ZNF518A: variants seen among roughly 807,000 people sequenced by gnomAD.
ZNF518A encodes zinc finger protein 518A.
In ZNF518A, 47 loss-of-function variants were observed where a neutral mutation model predicts 102.7. That is an observed-to-expected ratio of 0.46 (90% confidence interval 0.36 to 0.58). The LOEUF (loss-of-function observed/expected upper bound fraction) is 0.58, where lower values mean the gene tolerates loss of function less well. Ranked by LOEUF, ZNF518A falls within the 20% of genes least tolerant of loss-of-function variation. The pLI is 0.00. For missense variants in ZNF518A, 1,793 were observed against 1,699.8 expected (o/e 1.05, Z -0.96); for synonymous variants, 652 against 594.6 (o/e 1.10, Z -1.40).
chr10:96,181,298 C>T (rs2083238791), intron 1 of ZNF518A, among the ~76,000 whole-genome samples: 1 of 152,160 alleles, frequency 6.6e-6, no homozygotes, highest in East Asian at 1.9e-4. Flanking sequence ...TGTAGGTTGC[C>T]TGTTCACTCT....
At chr10:96,164,950 A>T (rs1554889800), downstream of ZNF518A, among the ~76,000 whole-genome samples, 1 of 152,208 alleles carries the variant, frequency 6.6e-6, no homozygotes, top group East Asian at 1.9e-4. Flanking sequence ...ATCATAAGCT[A>T]TTGCTAATGT....
chr10:96,191,464 G>A (rs1232886482), intron 1 of ZNF518A, among the ~76,000 whole-genome samples: 2 of 151,848 alleles, frequency 1.3e-5, no homozygotes, highest in African/African-American at 4.8e-5. Flanking sequence ...GGTTGAGAGT[G>A]CTCACAAAAA....
intron 3 of ZNF518A, among the ~76,000 whole-genome samples, chr10:96,137,420 C>G (rs587610627): frequency 3.9e-5 from 6 of 152,348 alleles, no homozygotes; most frequent in Admixed American, 2.0e-4. Context: ...ACTACTTCCT[C>G]TCTTCCCATT....
chr10:96,177,350 T>G (rs1168255097), intron 1 of ZNF518A, among the ~76,000 whole-genome samples: 1 of 152,188 alleles, frequency 6.6e-6, no homozygotes. Context: ...AAATCCAAGA[T>G]AATTCAGCAC....
chr10:96,130,482 C>T lies in ZNF518A; in HGVS notation c.-723C>T, dbSNP rs587621588. 3.9e-5 allele frequency among the ~76,000 whole-genome samples: 6 copies of T among 152,334 alleles called. No homozygotes were observed. Among genetic ancestry groups the T allele is most frequent in the African/African-American group, 1.4e-4 (6 of 41,586 alleles). On this transcript the variant is annotated 5_prime_UTR_variant, in exon 1 of 6. Transcript: ENST00000316045. ...AGACGGTGTGCCTCCGCGCTCCCCG[C>T]GGGGCAGCCGAACCCCGGAGGAAGG... is the stretch of plus-strand genomic sequence containing the variant.
At position 96,159,797 on chromosome 10, in the gene ZNF518A, A is replaced by G. The variant is rs782701685; in HGVS notation, c.3475A>G (p.Asn1159Asp). 11 of 1,613,694 alleles carry G rather than the reference A, an allele frequency of 6.8e-6. No individual in the cohort carries two copies. The Middle Eastern group carries it at 1.3e-3, about 194-fold the overall frequency. The change falls in exon 6 of 6, where the codon AAT becomes GAT. Residue 1159 changes from asparagine (N) to aspartate (D), a missense_variant. Physicochemically the swap from Asn to Asp is conservative, Grantham distance 23. Coordinates refer to ENST00000316045, the MANE Select transcript of ZNF518A (RefSeq NM_001330736.2). ...NPVLNVTAAN[N>D]LSVSNSASSL... ...TGTTTTAAATGTGACTGCTGCTAAT[A>G]ATCTGTCAGTAAGCAACTCTGCATC...
Position 96,159,159 on chromosome 10 carries a change from A to G in ZNF518A, c.2837A>G (p.Asn946Ser). The G allele has an allele frequency of 6.2e-7, 1 of 1,613,718 alleles. No homozygotes were observed. The highest frequency in any genetic ancestry group is 8.5e-7 in the Non-Finnish European group (1 of 1,179,758). The part of the protein sequence containing the change: ...KGFLIPLNIT[N>S]KPGLPVIPGN... ...TTCTTAATACCATTGAACATTACTA[A>G]CAAGCCTGGGCTACCAGTTATTCCT... The change falls in exon 6 of 6, where the codon AAC becomes AGC. Residue 946 changes from asparagine (N) to serine (S), a missense_variant. Coordinates refer to ENST00000316045, the MANE Select transcript of ZNF518A (RefSeq NM_001330736.2).
chr10:96,162,963 T>G lies in ZNF518A; in HGVS notation c.*2189T>G, dbSNP rs1191803989. The stretch of plus-strand genomic sequence containing the variant: ...GCAAGGTGAGCCATAGAGAGGCTTA[T>G]AGTCTTCAGTACCCTAACAGCAATA... On this transcript the variant is annotated 3_prime_UTR_variant, in exon 6 of 6. Coordinates refer to ENST00000316045, the MANE Select transcript of ZNF518A (RefSeq NM_001330736.2). The G allele has an allele frequency of 6.0e-6, 1 of 167,002 alleles. No individual in the cohort carries two copies. Among genetic ancestry groups the G allele is most frequent in the Non-Finnish European group, 1.5e-5 (1 of 68,040 alleles). The allele number at this position is 167,002 out of a possible 1,614,324, so 10.3% of individuals were successfully genotyped here. A position where few individuals can be genotyped will look rare whatever the true frequency, so the allele number is the denominator to read the frequency against.
downstream of ZNF518A, among the ~76,000 whole-genome samples, chr10:96,166,169 T>G (rs1262874584): frequency 3.3e-5 from 5 of 152,186 alleles, no homozygotes; most frequent in African/African-American, 9.7e-5. Context: ...CTCTTTTCCT[T>G]CTGTCCAGGC....
intron 1 of ZNF518A, among the ~76,000 whole-genome samples, chr10:96,202,602 C>A (rs1235097558): frequency 6.6e-6 from 1 of 152,070 alleles, no homozygotes; most frequent in Admixed American, 6.6e-5. Context: ...AGGCAGCCAC[C>A]ATTGTAAGAG....
intron 1 of ZNF518A, chr10:96,191,991 A>G (rs1485630449): frequency 6.2e-7 from 1 of 1,613,650 alleles, no homozygotes; most frequent in African/African-American, 1.3e-5. Context: ...CTTTAACTGC[A>G]TACTTCAGTC....
At position 96,177,100 on chromosome 10, in the gene ZNF518A, A is replaced by T. The variant is rs1000257984; in HGVS notation, n.35+21053A>T. Among the ~76,000 whole-genome samples, 3 of 149,036 alleles carry T rather than the reference A, an allele frequency of 2.0e-5. No individual in the cohort carries two copies. In the South Asian group the frequency reaches 6.4e-4, roughly 32 times the overall value. ...TCTCAAAAAAAAAAAAAAAAAAATC[A>T]CATTTCTGAAAGCAAGTTATAAAAA... is the stretch of plus-strand genomic sequence containing the variant. On this transcript the variant is annotated intron_variant and non_coding_transcript_variant, in intron 1 of 2. Transcript: ENST00000442635.
At chr10:96,177,598 G>A (rs114208188) in intron 1 of ZNF518A, among the ~76,000 whole-genome samples, 1,777 of 152,258 alleles carry the variant, frequency 0.012, 33 homozygotes, top group African/African-American at 0.039. Context: ...TGTTGTATTT[G>A]AAGATAGACT....
chr10:96,151,024 A>G (rs1244599395), intron 3 of ZNF518A, among the ~76,000 whole-genome samples: 2 of 152,058 alleles, frequency 1.3e-5, no homozygotes, highest in Non-Finnish European at 2.9e-5. Context: ...AAGTGCTGGG[A>G]TTACAGGTGT....
intron 1 of ZNF518A, among the ~76,000 whole-genome samples, chr10:96,179,603 C>A (rs1425572550): frequency 6.6e-6 from 1 of 152,094 alleles, no homozygotes; most frequent in Non-Finnish European, 1.5e-5. Context: ...CTATGTGACC[C>A]AGGATTATAC....
At chr10:96,142,433 C>T (rs1374436845) in intron 3 of ZNF518A, among the ~76,000 whole-genome samples, 3 of 151,724 alleles carry the variant, frequency 2.0e-5, no homozygotes, top group African/African-American at 7.3e-5. Context: ...TTGATCACCA[C>T]TCATATATTC....
At chr10:96,167,343 A>G (rs587668340), downstream of ZNF518A, among the ~76,000 whole-genome samples, 8 of 152,128 alleles carry the variant, frequency 5.3e-5, no homozygotes, top group Admixed American at 5.2e-4. Context: ...AGTCCCAGCT[A>G]CTCAGGAGGC....
At chr10:96,150,335 GAA>G (rs72116620) in intron 3 of ZNF518A, among the ~76,000 whole-genome samples, 117 of 136,412 alleles carry the variant, frequency 8.6e-4, no homozygotes, top group East Asian at 1.3e-3. Context: ...CTCCATTTCG[GAA>G]AAAAAAAAAA....
downstream of ZNF518A, chr10:96,204,718 C>T (rs2083750193): frequency 1.9e-6 from 2 of 1,026,402 alleles, no homozygotes; most frequent in Middle Eastern, 2.0e-4. Flanking sequence ...GATCAGAAGT[C>T]TTCCCGGGAA....
Sources: allele counts gnomAD v4.1 joint callset (sites outside exome capture counted in the v4.1 genomes callset), GRCh38; gene constraint gnomAD v4.1.1; transcripts MANE v1.5; gene names NCBI Gene and HGNC (gene_info 2026-07-23, HGNC 2026-07-21).